Variants in IL16 observed in about 807,000 individuals in gnomAD.
IL16 encodes pro-interleukin-16.
Under a neutral mutation model 110.1 loss-of-function variants are expected in IL16, and 67 were observed. That is an observed-to-expected ratio of 0.61 (90% confidence interval 0.50 to 0.75). The LOEUF (loss-of-function observed/expected upper bound fraction) is 0.75, where lower values mean the gene tolerates loss of function less well. Ranked by LOEUF, IL16 falls within the 30% of genes least tolerant of loss-of-function variation. IL16 has a pLI of 0.00. For missense variants in IL16, 1,545 were observed against 1,655.0 expected, an observed-to-expected ratio of 0.93 and a Z score of 1.15; for synonymous variants, 689 against 662.9, an observed-to-expected ratio of 1.04 and a Z score of -0.61.
chr15:81,292,785 G>A lies in IL16; in HGVS notation c.1650G>A (p.Arg550=), dbSNP rs763648902. 2.5e-6 allele frequency: 4 copies of A among 1,614,130 alleles called. No individual in the cohort carries two copies. Among genetic ancestry groups the A allele is most frequent in the Middle Eastern group, 1.7e-4 (1 of 6,054 alleles). Residue 550 remains arginine (R), a synonymous_variant, in exon 12 of 19, where the codon CGG becomes CGA. Transcript: ENST00000683961. The stretch of plus-strand genomic sequence containing the variant: ...ACAGCCCCAGCTTGCCTCTGGCACG[G>A]GAGCCAGTGGTGCTTTCTATAGCAT... ...STHSPSLPLA[R]EPVVLSIASS... is the part of the protein sequence containing the mutation.
At chr15:81,298,235 TATC>T (rs1395383461) in intron 13 of IL16, among the ~76,000 whole-genome samples, 1 of 152,210 alleles carries the variant, frequency 6.6e-6, no homozygotes, top group African/African-American at 2.4e-5. Context: ...TTCTCTTTGA[TATC>T]ATCAAGGTGT....
chr15:81,182,818 C>G (rs1208627639), exon 1 of IL16: 3 of 1,281,518 alleles, frequency 2.3e-6, no homozygotes, highest in South Asian at 1.2e-5. Context: ...TTTGGAGGAA[C>G]TTTTCACAGC....
chr15:81,241,343 G>A (rs114841947), intron 2 of IL16, among the ~76,000 whole-genome samples: 3,593 of 151,930 alleles, frequency 0.024, 148 homozygotes, highest in African/African-American at 0.082. Context: ...AGACTTGAAA[G>A]TTTGATACTG....
chr15:81,269,392 A>T (rs1898531668), intron 4 of IL16, 146 bp from the exon 5 acceptor site: 2 of 660,142 alleles, frequency 3.0e-6, no homozygotes, highest in Non-Finnish European at 5.5e-6. Context: ...ACACCCCACT[A>T]ACCACATTCT....
At chr15:81,233,621 C>G (rs1897087424) in intron 2 of IL16, among the ~76,000 whole-genome samples, 1 of 151,744 alleles carries the variant, frequency 6.6e-6, no homozygotes, top group Admixed American at 6.6e-5. Context: ...CATATATACA[C>G]ACAAAAAATG....
At chr15:81,296,903 G>C (rs758258331) in intron 12 of IL16, 25 bp from the exon 13 acceptor site, 2 of 1,569,240 alleles carry the variant, frequency 1.3e-6, no homozygotes, top group Non-Finnish European at 1.7e-6. Context: ...TTTTGACATG[G>C]TCTCGCTTCC....
chr15:81,285,497 T>C (rs533398811), intron 9 of IL16, among the ~76,000 whole-genome samples: 1 of 152,314 alleles, frequency 6.6e-6, no homozygotes, highest in African/African-American at 2.4e-5. Context: ...TGCTTTGTGG[T>C]TGTACGGTAA....
chr15:81,241,179 A>G (rs944394584), intron 2 of IL16, among the ~76,000 whole-genome samples: 3 of 152,112 alleles, frequency 2.0e-5, no homozygotes, highest in South Asian at 2.1e-4. Flanking sequence ...TTGTATGCCA[A>G]TAAGCCATTG....
chr15:81,279,816 C>T (rs777152647), intron 8 of IL16, 42 bp downstream of exon 8: 7 of 1,551,814 alleles, frequency 4.5e-6, no homozygotes, highest in Non-Finnish European at 6.2e-6. Flanking sequence ...GGTCTCCCAG[C>T]ACTGGCTGAG....
At chr15:81,272,794 C>T (rs928148621) in intron 5 of IL16, among the ~76,000 whole-genome samples, 3 of 152,220 alleles carry the variant, frequency 2.0e-5, no homozygotes, top group Admixed American at 6.5e-5. Flanking sequence ...GGGACAGAGC[C>T]AGGGTGCTGG....
chr15:81,308,386 C>G (rs1246648468), intron 18 of IL16, among the ~76,000 whole-genome samples: 17 of 152,312 alleles, frequency 1.1e-4, no homozygotes, highest in Non-Finnish European at 1.5e-5. Context: ...CAAGGGCTAT[C>G]CCTTTCCAAA....
intron 1 of IL16, among the ~76,000 whole-genome samples, chr15:81,203,722 C>T (rs1349410467): frequency 8.5e-5 from 13 of 152,188 alleles, no homozygotes; most frequent in South Asian, 8.3e-4. Flanking sequence ...TTGGTTACTG[C>T]AGCCTTGTAG....
At chr15:81,205,266 A>G (rs1188742920) in intron 1 of IL16, among the ~76,000 whole-genome samples, 4 of 151,262 alleles carry the variant, frequency 2.6e-5, no homozygotes, top group South Asian at 2.1e-4. Flanking sequence ...AGATCACACC[A>G]TTGCACTCCA....
chr15:81,185,775 G>T (rs1895410890), intron 1 of IL16, among the ~76,000 whole-genome samples: 1 of 152,152 alleles, frequency 6.6e-6, no homozygotes, highest in Non-Finnish European at 1.5e-5. Flanking sequence ...GATCAGCGTG[G>T]GGCTTCCCTG....
chr15:81,192,708 A>G (rs1566987608), upstream of IL16, among the ~76,000 whole-genome samples: 1 of 152,236 alleles, frequency 6.6e-6, no homozygotes, highest in African/African-American at 2.4e-5. Context: ...CCTACCTGCT[A>G]TTATGTGAAA....
chr15:81,295,543 T>C (rs1596045431), intron 12 of IL16: 4 of 1,276,488 alleles, frequency 3.1e-6, no homozygotes, highest in African/African-American at 1.5e-5. Context: ...TTCATCCCCA[T>C]GTAATTTCTC....
At chr15:81,243,164 T>TATATATACATATATATATATATATA (rs60077602) in intron 2 of IL16, among the ~76,000 whole-genome samples, 2 of 15,774 alleles carry the variant, frequency 1.3e-4, no homozygotes, top group Non-Finnish European at 2.1e-4. Context: ...TATATATATA[T>TATATATACATATATATATATATATA]TTTTTTTTTT....
chr15:81,219,689 C>G (rs1896551051), intron 1 of IL16, among the ~76,000 whole-genome samples: 1 of 152,152 alleles, frequency 6.6e-6, no homozygotes, highest in Non-Finnish European at 1.5e-5. Context: ...CTTGACTTGT[C>G]TTCTGCTCTG....
intron 14 of IL16, 81 bp downstream of exon 14, chr15:81,300,556 T>A (rs1900231306): frequency 1.1e-6 from 1 of 873,970 alleles, no homozygotes; most frequent in Non-Finnish European, 1.7e-6. Flanking sequence ...TAATCCTATA[T>A]ATAATTTAAA....
Sources: gnomAD v4.1 joint callset for allele counts (sites outside exome capture counted in the v4.1 genomes callset) on GRCh38, gnomAD v4.1.1 for gene constraint, MANE v1.5 for transcripts, NCBI Gene and HGNC (gene_info 2026-07-23, HGNC 2026-07-21) for gene names.